The following C1QTNF8 variants were observed in gnomAD, a reference collection of about 807,000 sequenced individuals.
C1QTNF8 encodes the protein C1q and TNF related 8.
C1QTNF8 carries 27 observed loss-of-function variants against 19.2 expected under a neutral mutation model. The observed-to-expected ratio is 1.41, with a 90% CI of 1.04 to 1.94. C1QTNF8 has a LOEUF of 1.94. C1QTNF8 is among the 30% of genes most tolerant of loss of function. The pLI is 0.00. For missense variants in C1QTNF8, 484 were observed against 374.4 expected (o/e 1.29, Z -2.42); for synonymous variants, 208 against 172.8 (o/e 1.20, Z -1.60).
At chr16:1,091,109 C>G (rs543298121) in intron 4 of C1QTNF8, among the ~76,000 whole-genome samples, 186 of 152,214 alleles carry the variant, frequency 1.2e-3, no homozygotes, top group Non-Finnish European at 2.4e-3. Flanking sequence ...ATGGGCGAGC[C>G]GGGCACTCCA....
chr16:1,090,071 G>A lies in C1QTNF8; in HGVS notation c.*528C>T, dbSNP rs982255491. On this transcript the variant is annotated 3_prime_UTR_variant, in exon 5 of 5. Transcript: ENST00000328449. ...GCCAGTGCCCCTCCTGTCTCTAGCA[G>A]GGCCAGGGTTCACCAGCCACGGCCA... 4 of 152,450 alleles carry A rather than the reference G, an allele frequency of 2.6e-5. No individual in the cohort carries two copies. Among genetic ancestry groups the A allele is most frequent in the African/African-American group, 9.7e-5 (4 of 41,448 alleles). 9.4% of individuals were successfully genotyped at this position (152,450 alleles called of 1,614,324 possible). A position where few individuals can be genotyped will look rare whatever the true frequency, so the allele number is the denominator to read the frequency against.
chr16:1,092,690 C>T (rs879015095), intron 4 of C1QTNF8, among the ~76,000 whole-genome samples: 5 of 103,574 alleles, frequency 4.8e-5, no homozygotes, highest in South Asian at 3.8e-4. Context: ...CGGCGCTCAA[C>T]CAATCCCTGC....
At chr16:1,092,473 C>G (rs567687788) in intron 4 of C1QTNF8, among the ~76,000 whole-genome samples, 2 of 148,204 alleles carry the variant, frequency 1.3e-5, no homozygotes, top group African/African-American at 2.6e-5. Context: ...CAACCAATCA[C>G]AGCACACAGT....
Position 1,093,669 on chromosome 16 carries a change from G to C in C1QTNF8, c.591C>G (p.Ser197Arg). Residue 197 changes from serine to arginine, a missense_variant, in exon 4 of 5, where the codon AGC becomes AGG. Physicochemically the swap from Ser to Arg is moderately radical, Grantham distance 110 (BLOSUM62 -1). Transcript: ENST00000328449. ...TCTGGGCCTGCATGACGCTGCGCTCGCTGGGCTGCGCGTAGAGCACGGCCG... is the reference window on the plus strand; with the variant it reads ...TCTGGGCCTGCATGACGCTGCGCTCCCTGGGCTGCGCGTAGAGCACGGCCG... ...RPAAVLYAQP[S>R]ERSVMQAQSL... 6.2e-7 allele frequency: 1 copy of C among 1,609,892 alleles called. No homozygotes were observed. Among genetic ancestry groups the C allele is most frequent in the East Asian group, 2.2e-5 (1 of 44,842 alleles).
In C1QTNF8 at chr16:1,089,237, C is replaced by G. The variant is rs1283566328; in HGVS notation, c.*1362G>C. Among the ~76,000 whole-genome samples the G allele has an allele frequency of 6.6e-6, 1 of 152,174 alleles. No homozygotes were observed. The highest frequency in any genetic ancestry group is 1.5e-5 in the Non-Finnish European group (1 of 68,006). ...CTCCCATCTCCCATCCAGCCCTGCT[C>G]TCTCACCGGGGCCAAGAACCTCTGC... On this transcript the variant is annotated 3_prime_UTR_variant, in exon 5 of 5. Transcript: ENST00000328449.
chr16:1,093,302 T>G (rs1960596777), intron 4 of C1QTNF8, among the ~76,000 whole-genome samples, 195 bp downstream of exon 4: 1 of 141,054 alleles, frequency 7.1e-6, no homozygotes, highest in Non-Finnish European at 1.5e-5. Context: ...CAGTCGGCGC[T>G]CAACCAATCC....
At chr16:1,095,314 G>A (rs148020356) in intron 2 of C1QTNF8, among the ~76,000 whole-genome samples, 1 of 152,330 alleles carries the variant, frequency 6.6e-6, no homozygotes, top group African/African-American at 2.4e-5. Context: ...GGGGCGTGGT[G>A]GCTGGTCTGC....
Position 1,094,080 on chromosome 16 carries a change from C to T in C1QTNF8, c.209-29G>A, listed in dbSNP as rs563667010. 73 of 1,402,454 alleles carry T rather than the reference C, an allele frequency of 5.2e-5. No individual in the cohort carries two copies. In the Admixed American group the frequency reaches 5.6e-4, roughly 11 times the overall value. The allele number at this position is 1,402,454 out of a possible 1,614,324, so 86.9% of individuals were successfully genotyped here. On this transcript the variant is annotated intron_variant, in intron 3 of 4. Transcript: ENST00000328449. ...CAGGGGACAAACGAAAGCCACGGGT[C>T]GGGGCCGGGCTGGGCAGGCCTCCCC...
At chr16:1,095,912 C>T (rs1338180334) in intron 1 of C1QTNF8, 124 bp from the exon 2 acceptor site, 1 of 152,298 alleles carries the variant, frequency 6.6e-6, no homozygotes, top group Non-Finnish European at 1.5e-5. Context: ...ACAAGAGCCC[C>T]CCTGGACTCC....
rs1555492161 is a variant in C1QTNF8, at chr16:1,088,797, C to CGACCCCTGCCCGCCT, written c.*1787_*1801dup. ...TGCCCGCCTGACCCCTGCTGCAGCC[C>CGACCCCTGCCCGCCT]GACCCCTGCCCGCCTGACCCCTGCT... On this transcript the variant is annotated 3_prime_UTR_variant, in exon 5 of 5. Coordinates refer to ENST00000328449, the MANE Select transcript of C1QTNF8 (RefSeq NM_207419.3). 4.7e-5 allele frequency among the ~76,000 whole-genome samples: 7 copies of CGACCCCTGCCCGCCT among 148,956 alleles called. No homozygotes were observed. Among genetic ancestry groups the CGACCCCTGCCCGCCT allele is most frequent in the Non-Finnish European group, 8.9e-5 (6 of 67,294 alleles).
At chr16:1,093,401 C>CCCCCCA in intron 4 of C1QTNF8, 96 bp downstream of exon 4, 1 of 615,154 alleles carries the variant, frequency 1.6e-6, no homozygotes, top group Non-Finnish European at 2.5e-6. Flanking sequence ...CACACCCACC[C>CCCCCCA]ACACACACAC....
intron 4 of C1QTNF8, 42 bp downstream of exon 4, chr16:1,093,455 C>T: frequency 2.9e-6 from 4 of 1,396,632 alleles, no homozygotes; most frequent in Non-Finnish European, 2.8e-6. Flanking sequence ...CACACACACA[C>T]ACGCGCGCGC....
rs1412855230 is a variant in C1QTNF8, at chr16:1,089,454, C to T, written c.*1145G>A. Among the ~76,000 whole-genome samples the T allele has an allele frequency of 6.6e-6, 1 of 152,242 alleles. No homozygotes were observed. The highest frequency in any genetic ancestry group is 1.5e-5 in the Non-Finnish European group (1 of 68,034). On this transcript the variant is annotated 3_prime_UTR_variant, in exon 5 of 5. Transcript: ENST00000328449. ...CTGGGCAGTGCCCACTTGGGACCTG[C>T]AAGCCCAGGGCCCCTCACAGCTGCT... is the stretch of plus-strand genomic sequence containing the variant.
chr16:1,093,100 C>T (rs1960589013), intron 4 of C1QTNF8, among the ~76,000 whole-genome samples: 1 of 143,488 alleles, frequency 7.0e-6, no homozygotes, highest in Non-Finnish European at 1.5e-5. Context: ...AGCACACAGT[C>T]GGCGCTCAAC....
At chr16:1,093,330 T>C (rs1461388508) in intron 4 of C1QTNF8, among the ~76,000 whole-genome samples, 167 bp downstream of exon 4, 1 of 147,602 alleles carries the variant, frequency 6.8e-6, no homozygotes, top group Non-Finnish European at 1.5e-5. Context: ...CAGTCAGCGC[T>C]CAACAAATCA....
Position 1,094,854 on chromosome 16 carries a change from C to T in C1QTNF8, c.69G>A (p.Arg23=). Residue 23 remains arginine, a synonymous_variant, in exon 3 of 5, where the codon AGG becomes AGA. Transcript: ENST00000328449. ...GGCGGCAGCAGTGCACACAGGGCCTCCTGGGCAGCCCGGGCCAGGCCCCCA... is the reference window on the plus strand; with the variant it reads ...GGCGGCAGCAGTGCACACAGGGCCTTCTGGGCAGCCCGGGCCAGGCCCCCA... The part of the protein sequence containing the change: ...LPVGAWPGLP[R]RPCVHCCRPA... 7.0e-7 allele frequency: 1 copy of T among 1,424,150 alleles called. No homozygotes were observed. The highest frequency in any genetic ancestry group is 1.6e-5 in the South Asian group (1 of 60,874). 88.2% of individuals were successfully genotyped at this position (1,424,150 alleles called of 1,614,324 possible). A position where few individuals can be genotyped will look rare whatever the true frequency, so the allele number is the denominator to read the frequency against.
Position 1,094,786 on chromosome 16 carries a change from T to C in C1QTNF8, c.137A>G (p.Asp46Gly). The change falls in exon 3 of 5, where the codon GAC becomes GGC. Residue 46 changes from aspartate (D) to glycine (G), a missense_variant. Physicochemically the swap from Asp to Gly is moderately conservative, Grantham distance 94 (BLOSUM62 -1). Transcript: ENST00000328449. Reference sequence around the variant, plus strand: ...CCTCCACAGGTCCCCCCTCCACAGGTCCCTGTCACTCACCCGGGCATAGGG... The same window carrying C: ...CCTCCACAGGTCCCCCCTCCACAGGCCCCTGTCACTCACCCGGGCATAGGG... ...PGPYARVSDRDLWRGDLWRGL... is the reference protein window; with the variant it reads ...PGPYARVSDRGLWRGDLWRGL... 1 of 1,536,896 alleles carries C rather than the reference T, an allele frequency of 6.5e-7. No homozygotes were observed. The highest frequency in any genetic ancestry group is 8.7e-7 in the Non-Finnish European group (1 of 1,143,082).
rs1555492668 is a variant in C1QTNF8 at position 1,093,456 on chromosome 16, A to ACACG, written c.*4+40_*4+41insCGTG. 3.5e-5 allele frequency: 41 copies of ACACG among 1,159,828 alleles called. 6 individuals carry two copies. The highest frequency in any genetic ancestry group is 2.9e-4 in the African/African-American group (14 of 48,136). The allele number at this position is 1,159,828 out of a possible 1,614,324, so 71.8% of individuals were successfully genotyped here. On this transcript the variant is annotated intron_variant, in intron 4 of 4. Coordinates refer to ENST00000328449, the MANE Select transcript of C1QTNF8 (RefSeq NM_207419.3). The stretch of plus-strand genomic sequence containing the variant: ...CACACACACACAGACACACACACAC[A>ACACG]CGCGCGCGCGCGCCCGGTGCTCAGC...
At position 1,095,635 on chromosome 16, in the gene C1QTNF8, A is replaced by G. The variant is rs570269911; in HGVS notation, c.-32T>C. ...CCTACCCCACTCCCCTCACAGCCACATCTGGAGGCTTGGCCAGGAGTGTCT... is the reference window on the plus strand; with the variant it reads ...CCTACCCCACTCCCCTCACAGCCACGTCTGGAGGCTTGGCCAGGAGTGTCT... On this transcript the variant is annotated 5_prime_UTR_variant, in exon 2 of 5. It removes an upstream start codon present in the reference 5' UTR. Transcript: ENST00000328449. The G allele has an allele frequency of 6.6e-6, 1 of 152,350 alleles. No homozygotes were observed. Among genetic ancestry groups the G allele is most frequent in the East Asian group, 1.9e-4 (1 of 5,182 alleles). The allele number at this position is 152,350 out of a possible 1,614,324, so 9.4% of individuals were successfully genotyped here. A position where few individuals can be genotyped will look rare whatever the true frequency, so the allele number is the denominator to read the frequency against.
Sources: allele counts gnomAD v4.1 joint callset (sites outside exome capture counted in the v4.1 genomes callset), GRCh38; gene constraint gnomAD v4.1.1; transcripts MANE v1.5; gene names NCBI Gene and HGNC (gene_info 2026-07-23, HGNC 2026-07-21).